ATP13A3: variants seen among roughly 807,000 people sequenced by gnomAD.
ATP13A3 encodes the protein ATPase 13A3, also known as polyamine-transporting ATPase 13A3.
In ATP13A3, 59 loss-of-function variants were observed where a neutral mutation model predicts 158.1. That is an observed-to-expected ratio of 0.37 (90% confidence interval 0.30 to 0.46). The LOEUF (loss-of-function observed/expected upper bound fraction) is 0.46, where lower values mean the gene tolerates loss of function less well. Ranked by LOEUF, ATP13A3 falls within the 20% of genes least tolerant of loss-of-function variation. The probability of loss-of-function intolerance (pLI) is 1.00; values close to 1 mark genes in which losing one functional copy is unlikely to be tolerated. For synonymous variants in ATP13A3, 491 were observed against 504.3 expected (o/e 0.97, Z 0.35); for missense variants, 1,166 against 1,525.2 (o/e 0.76, Z 3.92).
chr3:194,453,925 T>C (rs867887659), intron 9 of ATP13A3, 147 bp from the exon 10 acceptor site: 2 of 675,132 alleles, frequency 3.0e-6, no homozygotes, highest in South Asian at 1.9e-5. Context: ...AGAGTATTCA[T>C]TGTTTTAGTT....
Position 194,433,925 on chromosome 3 carries a change from T to C in ATP13A3, c.2121-29A>G, listed in dbSNP as rs1439794631. On this transcript the variant is annotated intron_variant, in intron 20 of 33. Transcript: ENST00000645319. ...CAGAAAAAGAAGTTTTAACACATAATGGTTTAGTCAATTGAGTAAGCAACT... is the reference window on the plus strand; with the variant it reads ...CAGAAAAAGAAGTTTTAACACATAACGGTTTAGTCAATTGAGTAAGCAACT... 8 of 1,603,004 alleles carry C rather than the reference T, an allele frequency of 5.0e-6. No homozygotes were observed. In the African/African-American group the frequency reaches 8.1e-5, roughly 16 times the overall value.
chr3:194,489,152 T>C (rs1721116727), upstream of ATP13A3, among the ~76,000 whole-genome samples: 1 of 152,212 alleles, frequency 6.6e-6, no homozygotes, highest in South Asian at 2.1e-4. The surrounding 1 kb of genome is among the most constrained non-coding windows in gnomAD (Gnocchi z 4.1). Flanking sequence ...AAGCCTCAAA[T>C]TCCTATGGTG....
intron 15 of ATP13A3, among the ~76,000 whole-genome samples, chr3:194,443,831 C>A (rs987991711): frequency 6.6e-6 from 1 of 151,966 alleles, no homozygotes; most frequent in Non-Finnish European, 1.5e-5. Flanking sequence ...ATTTTCAATA[C>A]ACAATATTGA....
At position 194,459,493 on chromosome 3, in the gene ATP13A3, T is replaced by A; in HGVS notation, c.457A>T (p.Ile153Phe). ...HSVKYFWNDT[I>F]HNFDFLKGLD... Reference sequence around the variant, plus strand: ...TACTTTAAGAAATCAAAATTGTGAATGGTATCATTCCAGAAATATTTTACA... The same window carrying A: ...TACTTTAAGAAATCAAAATTGTGAAAGGTATCATTCCAGAAATATTTTACA... The change falls in exon 6 of 34, where the codon ATT becomes TTT. Residue 153 changes from isoleucine (I) to phenylalanine (F), a missense_variant. By Grantham distance (21) the Ile-to-Phe change is conservative. Around this residue, in one of 3 missense-constraint regions of ATP13A3, gnomAD observed 104 missense variants for 91.7 expected, o/e 1.13. Coordinates refer to ENST00000645319, the MANE Select transcript of ATP13A3 (RefSeq NM_001367549.1). 1 of 1,599,520 alleles carries A rather than the reference T, an allele frequency of 6.3e-7. No homozygotes were observed. The highest frequency in any genetic ancestry group is 8.6e-7 in the Non-Finnish European group (1 of 1,167,260).
chr3:194,428,744 G>A (rs974745194), intron 28 of ATP13A3, 101 bp downstream of exon 28: 46 of 755,824 alleles, frequency 6.1e-5, no homozygotes, highest in Middle Eastern at 5.7e-4. Flanking sequence ...CTGGAGAGGT[G>A]TGAGCTATGT....
chr3:194,433,447 G>C (rs937374193), intron 21 of ATP13A3, among the ~76,000 whole-genome samples: 1 of 151,946 alleles, frequency 6.6e-6, no homozygotes, highest in Non-Finnish European at 1.5e-5. Flanking sequence ...GTTTCACCTT[G>C]TTAGCCAGGA....
intron 2 of ATP13A3, 143 bp from the exon 3 acceptor site, chr3:194,462,379 G>A (rs933576811): frequency 1.7e-6 from 1 of 583,332 alleles, no homozygotes; most frequent in African/African-American, 1.9e-5. Flanking sequence ...CACACAGTAG[G>A]AGGTGAGTGA....
In ATP13A3 at chr3:194,494,152, A is replaced by C. The variant is rs886140383; in HGVS notation, n.644T>G. The C allele has an allele frequency of 2.5e-6, 1 of 398,500 alleles. No homozygotes were observed. Among genetic ancestry groups the C allele is most frequent in the African/African-American group, 2.1e-5 (1 of 48,610 alleles). 24.7% of individuals were successfully genotyped at this position (398,500 alleles called of 1,614,324 possible). On this transcript the variant is annotated non_coding_transcript_exon_variant, in exon 2 of 33. Coordinates refer to the ATP13A3 transcript ENST00000687055. This position sits in a 1 kb window ranked among gnomAD's most constrained non-coding sequence, Gnocchi z 4.2. ...CAGAGTGATTCACCAGAATGAGTTC[A>C]TCTCGCATCAAAACTCTGGATTATC...
At chr3:194,488,701 T>G (rs554702207), upstream of ATP13A3, 28 of 152,308 alleles carry the variant, frequency 1.8e-4, no homozygotes, top group African/African-American at 4.8e-4. The surrounding 1 kb of genome is among the most constrained non-coding windows in gnomAD (Gnocchi z 4.1). Context: ...TTCAGAAGAG[T>G]GAACCCTCTG....
intron 31 of ATP13A3, among the ~76,000 whole-genome samples, chr3:194,417,596 G>A (rs779194874): frequency 1.6e-4 from 24 of 151,956 alleles, no homozygotes; most frequent in Non-Finnish European, 3.4e-4. Flanking sequence ...CAAATAAAGA[G>A]AACTAAACAA....
chr3:194,441,963 T>C (rs1003371636), intron 15 of ATP13A3, among the ~76,000 whole-genome samples: 2 of 152,186 alleles, frequency 1.3e-5, no homozygotes, highest in African/African-American at 4.8e-5. Flanking sequence ...CACCAGGCAT[T>C]ATTCTAAGAA....
At chr3:194,417,445 A>ACACACACACACACACAC (rs1560072213) in intron 31 of ATP13A3, among the ~76,000 whole-genome samples, 3 of 148,832 alleles carry the variant, frequency 2.0e-5, no homozygotes, top group African/African-American at 2.5e-5. Context: ...ACACACACAC[A>ACACACACACACACACAC]AAAGGAGGAA....
chr3:194,428,848 TA>T lies in ATP13A3; in HGVS notation c.2943del (p.Phe981LeufsTer3). On this transcript the variant is annotated frameshift_variant, in exon 28 of 34. Coordinates refer to ENST00000645319, the MANE Select transcript of ATP13A3 (RefSeq NM_001367549.1). LOFTEE classifies it high-confidence loss of function. Reference protein sequence around the residue: ...IDLAIILVVVFTMSLNPAWKE... With the variant: ...IDLAIILVVVXTMSLNPAWKE... ...AATAACAAAGCAAAATACTCACTTG[TA>T]AATACCACTACCAAAATGATTGCCA... The T allele has an allele frequency of 1.3e-6, 2 of 1,586,922 alleles. No individual in the cohort carries two copies. Among genetic ancestry groups the T allele is most frequent in the East Asian group, 2.3e-5 (1 of 44,430 alleles).
chr3:194,464,082 A>G (rs1719841322), intron 2 of ATP13A3, among the ~76,000 whole-genome samples: 1 of 152,092 alleles, frequency 6.6e-6, no homozygotes, highest in African/African-American at 2.4e-5. Flanking sequence ...AATTGCTTGA[A>G]CCCAGGAGGC....
chr3:194,406,279 C>A (rs1008640949), intron 33 of ATP13A3, among the ~76,000 whole-genome samples, 163 bp from the exon 34 acceptor site: 11 of 151,976 alleles, frequency 7.2e-5, no homozygotes, highest in Non-Finnish European at 1.5e-4. Flanking sequence ...AAAAAGGCAG[C>A]TTTGGCCGGG....
At chr3:194,443,425 G>C (rs536059605) in intron 15 of ATP13A3, among the ~76,000 whole-genome samples, 9 of 152,252 alleles carry the variant, frequency 5.9e-5, no homozygotes, top group Admixed American at 3.3e-4. Context: ...GGGAGCAATG[G>C]TAGAAATAAT....
At chr3:194,481,137 C>T (rs1720731830) in intron 2 of ATP13A3, among the ~76,000 whole-genome samples, 2 of 150,368 alleles carry the variant, frequency 1.3e-5, no homozygotes, top group South Asian at 4.2e-4. Context: ...CTCTTTAGAT[C>T]AATCAGAAAA....
chr3:194,439,001 C>G (rs746812220), intron 16 of ATP13A3, 29 bp from the exon 17 acceptor site: 1 of 1,397,396 alleles, frequency 7.2e-7, no homozygotes, highest in Admixed American at 2.0e-5. Flanking sequence ...CAAAAAAAAA[C>G]AAAAACACAA....
chr3:194,439,084 A>T (rs1406764241), intron 16 of ATP13A3, 112 bp from the exon 17 acceptor site: 10 of 605,420 alleles, frequency 1.7e-5, no homozygotes, highest in Non-Finnish European at 2.5e-5. Context: ...CATTTTCAAT[A>T]ATTAAAAAAA....
Sources: allele counts gnomAD v4.1 joint callset (sites outside exome capture counted in the v4.1 genomes callset), GRCh38; gene constraint gnomAD v4.1.1; regional missense constraint gnomAD v4.1.1; non-coding constraint Gnocchi (gnomAD v3.1); transcripts MANE v1.5; gene names NCBI Gene and HGNC (gene_info 2026-07-23, HGNC 2026-07-21).